TSPAN7: variants seen among roughly 807,000 people sequenced by gnomAD.
TSPAN7 encodes the protein tetraspanin-7.
Under a neutral mutation model 17.6 loss-of-function variants are expected in TSPAN7, and 1 was observed. The observed-to-expected ratio is 0.06, with a 90% CI of 0.02 to 0.27. The LOEUF (loss-of-function observed/expected upper bound fraction) is 0.27, where lower values mean the gene tolerates loss of function less well. TSPAN7 is among the 10% of genes least tolerant of loss of function. The pLI, the probability that TSPAN7 is intolerant of heterozygous loss-of-function variation, is 1.00. For missense variants in TSPAN7, 112 were observed against 201.7 expected (o/e 0.56, Z 2.69); for synonymous variants, 78 against 79.0 (o/e 0.99, Z 0.07).
intron 1 of TSPAN7, among the ~76,000 whole-genome samples, chrX:38,571,710 A>T (rs2069170272): frequency 1.8e-5 from 2 of 109,555 alleles, no homozygotes; most frequent in South Asian, 7.8e-4. Context: ...TTTAAGTTTT[A>T]ATTGATATGA....
chrX:38,655,055 C>T (rs938892832), intron 1 of TSPAN7, among the ~76,000 whole-genome samples: 4 of 112,010 alleles, frequency 3.6e-5, no homozygotes, highest in Non-Finnish European at 7.5e-5. Context: ...GTGGGGGCTG[C>T]AGGTCAAGTA....
At chrX:38,663,316 C>T (rs780901965) in intron 1 of TSPAN7, among the ~76,000 whole-genome samples, 13 of 111,961 alleles carry the variant, frequency 1.2e-4, no homozygotes, top group South Asian at 3.8e-4. Flanking sequence ...AACCAAACAT[C>T]GTATGTTCTC....
At chrX:38,636,739 G>A (rs1044052802) in intron 1 of TSPAN7, among the ~76,000 whole-genome samples, 1 of 110,053 alleles carries the variant, frequency 9.1e-6, no homozygotes, top group Non-Finnish European at 1.9e-5. Flanking sequence ...GCAATCGCGC[G>A]ATCTTGGCTC....
At chrX:38,587,531 A>G (rs2069265385) in intron 1 of TSPAN7, among the ~76,000 whole-genome samples, 2 of 112,008 alleles carry the variant, frequency 1.8e-5, no homozygotes, top group Non-Finnish European at 3.8e-5. Flanking sequence ...ATTATATTCT[A>G]GGACAGAAGG....
intron 1 of TSPAN7, among the ~76,000 whole-genome samples, chrX:38,587,646 A>G (rs1395358368): frequency 8.9e-6 from 1 of 111,861 alleles, no homozygotes; most frequent in Non-Finnish European, 1.9e-5. Context: ...TCTGAATTTT[A>G]CCATATTTTA....
Position 38,561,552 on chromosome X carries a change from A to T in TSPAN7, c.6A>T (p.Ala2=), listed in dbSNP as rs749869776. The T allele has an allele frequency of 1.4e-5, 17 of 1,191,083 alleles. No homozygotes were observed. Among genetic ancestry groups the T allele is most frequent in the Non-Finnish European group, 1.9e-5 (17 of 883,698 alleles). The change falls in exon 1 of 8, where the codon GCA becomes GCT. Residue 2 remains alanine (A), a synonymous_variant. Transcript: ENST00000378482. ...CGCCGCCGGAGCTCTGTAGTATGGC[A>T]TCGAGGAGAATGGAGACCAAACCTG... The part of the protein sequence containing the change: M[A]SRRMETKPVI...
At chrX:38,631,177 G>A (rs1320299714) in intron 1 of TSPAN7, among the ~76,000 whole-genome samples, 1 of 77,641 alleles carries the variant, frequency 1.3e-5, no homozygotes, top group African/African-American at 4.7e-5. Context: ...TTTTATAGTG[G>A]TGGTCTCGGT....
chrX:38,672,742 T>C, intron 3 of TSPAN7, among the ~76,000 whole-genome samples: 1 of 111,258 alleles, frequency 9.0e-6, no homozygotes, highest in Non-Finnish European at 1.9e-5. Flanking sequence ...ATGTACCTAA[T>C]CTCTTTTGGC....
At chrX:38,604,466 T>G (rs2069365699) in intron 1 of TSPAN7, among the ~76,000 whole-genome samples, 1 of 110,407 alleles carries the variant, frequency 9.1e-6, no homozygotes, top group Admixed American at 9.6e-5. Context: ...CCACAAGGGT[T>G]GAACTAGTTT....
intron 1 of TSPAN7, among the ~76,000 whole-genome samples, chrX:38,658,769 C>T (rs1469994727): frequency 9.0e-6 from 1 of 111,407 alleles, no homozygotes; most frequent in Non-Finnish European, 1.9e-5. Flanking sequence ...ATTCAAGCCC[C>T]ACATTCACAA....
At chrX:38,666,577 C>G (rs1056792473) in intron 2 of TSPAN7, among the ~76,000 whole-genome samples, 1 of 99,363 alleles carries the variant, frequency 1.0e-5, no homozygotes, top group African/African-American at 3.7e-5. Context: ...ATCCTCATGA[C>G]AAGATGCCCT....
chrX:38,579,714 A>G (rs1170423746), intron 1 of TSPAN7, among the ~76,000 whole-genome samples: 1 of 111,736 alleles, frequency 8.9e-6, no homozygotes, highest in African/African-American at 3.3e-5. Context: ...ATGTAATCCT[A>G]AAACAGAGAA....
chrX:38,572,878 C>T (rs1451962284), intron 1 of TSPAN7, among the ~76,000 whole-genome samples: 1 of 111,903 alleles, frequency 8.9e-6, no homozygotes, highest in East Asian at 2.8e-4. Context: ...GTATCACTCA[C>T]TTGATATTCT....
chrX:38,681,294 T>G lies in TSPAN7; in HGVS notation c.681+7T>G. 8.4e-7 allele frequency: 1 copy of G among 1,195,372 alleles called. No homozygotes were observed. The highest frequency in any genetic ancestry group is 1.1e-6 in the Non-Finnish European group (1 of 880,584). ...TGGAATCGCATTCTCCCAGGTAGCC[T>G]ACATAATTGTGCAGAACCTGGTCTA... is the stretch of plus-strand genomic sequence containing the variant. On this transcript the variant is annotated splice_region_variant and intron_variant, in intron 6 of 7. Transcript: ENST00000378482.
At chrX:38,590,631 T>C (rs941542762) in intron 1 of TSPAN7, among the ~76,000 whole-genome samples, 2 of 111,774 alleles carry the variant, frequency 1.8e-5, no homozygotes, top group South Asian at 3.7e-4. Context: ...CTGGGGTTTT[T>C]TGAGGGAGCT....
At chrX:38,567,660 G>T (rs1489221114) in intron 1 of TSPAN7, among the ~76,000 whole-genome samples, 1 of 112,470 alleles carries the variant, frequency 8.9e-6, no homozygotes, top group Admixed American at 9.3e-5. Flanking sequence ...AATAGAATGT[G>T]TACCAACGTT....
chrX:38,618,178 A>G (rs1275002860), intron 1 of TSPAN7, among the ~76,000 whole-genome samples: 1 of 111,830 alleles, frequency 8.9e-6, no homozygotes, highest in Non-Finnish European at 1.9e-5. Context: ...AGAGACTTCA[A>G]TAAGCATGTT....
intron 1 of TSPAN7, among the ~76,000 whole-genome samples, chrX:38,650,206 A>T (rs1292824179): frequency 8.9e-6 from 1 of 112,262 alleles, no homozygotes; most frequent in Non-Finnish European, 1.9e-5. Flanking sequence ...TCCCTACAGG[A>T]TGCCCATGGC....
At chrX:38,575,643 C>T (rs1341835874) in intron 1 of TSPAN7, among the ~76,000 whole-genome samples, 2 of 111,172 alleles carry the variant, frequency 1.8e-5, no homozygotes, top group African/African-American at 6.5e-5. Context: ...AAATAAAATC[C>T]TATGAGAAAA....
Sources: gnomAD v4.1 joint callset for allele counts (sites outside exome capture counted in the v4.1 genomes callset) on GRCh38, gnomAD v4.1.1 for gene constraint, MANE v1.5 for transcripts, NCBI Gene and HGNC (gene_info 2026-07-23, HGNC 2026-07-21) for gene names.